The following TRIM27 variants were observed in gnomAD, a reference collection of about 807,000 sequenced individuals.
TRIM27 encodes the protein zinc finger protein RFP.
Under a neutral mutation model 57.6 loss-of-function variants are expected in TRIM27, and 12 were observed. The ratio of observed to expected loss-of-function variants is 0.21; its 90% CI spans 0.13 to 0.34. The LOEUF is 0.34. TRIM27 is among the 10% of genes least tolerant of loss of function. TRIM27 has a pLI of 1.00. For synonymous variants in TRIM27, 266 were observed against 259.0 expected (o/e 1.03, Z -0.26); for missense variants, 403 against 656.8 (o/e 0.61, Z 4.22).
chr6:28,915,279 T>TA (rs1433993367), intron 3 of TRIM27: 2 of 127,844 alleles, frequency 1.6e-5, no homozygotes, highest in African/African-American at 2.9e-5. Flanking sequence ...TCCATCTGTT[T>TA]AAAAAAATAT....
chr6:28,914,755 T>C (rs1418621420), intron 3 of TRIM27: 1 of 152,158 alleles, frequency 6.6e-6, no homozygotes, highest in Non-Finnish European at 1.5e-5. Context: ...CCCTGTCTTA[T>C]CAAAGAATAA....
Position 28,923,657 on chromosome 6 carries a change from G to A in TRIM27, c.-25C>T. The A allele has an allele frequency of 6.6e-7, 1 of 1,520,914 alleles. No homozygotes were observed. The highest frequency in any genetic ancestry group is 8.9e-7 in the Non-Finnish European group (1 of 1,129,786). 94.2% of individuals were successfully genotyped at this position (1,520,914 alleles called of 1,614,324 possible). A position where few individuals can be genotyped will look rare whatever the true frequency, so the allele number is the denominator to read the frequency against. ...TGGCGCCGGCCTGCGGGGGCGCACG[G>A]GCATGGGCCCCGGCGCCGAGCTCTG... On this transcript the variant is annotated 5_prime_UTR_variant, in exon 1 of 8. Coordinates refer to ENST00000377199, the MANE Select transcript of TRIM27 (RefSeq NM_006510.5).
At position 28,923,769 on chromosome 6, in the gene TRIM27, T is replaced by G; in HGVS notation, c.-137A>C. On this transcript the variant is annotated 5_prime_UTR_variant, in exon 1 of 8. Coordinates refer to ENST00000377199, the MANE Select transcript of TRIM27 (RefSeq NM_006510.5). ...CGGAGGGCGGCGCCTCCCGGGCCCG[T>G]ATCCCAGACGCGCCCGCGCACCGAA... 7.3e-6 allele frequency: 7 copies of G among 961,048 alleles called. No individual in the cohort carries two copies. Among genetic ancestry groups the G allele is most frequent in the Non-Finnish European group, 1.0e-5 (7 of 674,110 alleles). 59.5% of individuals were successfully genotyped at this position (961,048 alleles called of 1,614,324 possible).
At position 28,923,934 on chromosome 6, in the gene TRIM27, C is replaced by G. The variant is rs897027611; in HGVS notation, c.-302G>C. On this transcript the variant is annotated 5_prime_UTR_variant, in exon 1 of 8. Coordinates refer to ENST00000377199, the MANE Select transcript of TRIM27 (RefSeq NM_006510.5). ...GGTCAGAGTCCCAGGGCCAGGCGGG[C>G]AAAGCGCGCAAGACAACGTGGCCGC... 13 of 393,418 alleles carry G rather than the reference C, an allele frequency of 3.3e-5. No homozygotes were observed. Among genetic ancestry groups the G allele is most frequent in the Non-Finnish European group, 5.0e-5 (11 of 221,836 alleles). The allele number at this position is 393,418 out of a possible 1,614,324, so 24.4% of individuals were successfully genotyped here.
At position 28,911,688 on chromosome 6, in the gene TRIM27, A is replaced by C. The variant is rs1324173784; in HGVS notation, c.770+8T>G. 3 of 1,611,054 alleles carry C rather than the reference A, an allele frequency of 1.9e-6. No homozygotes were observed. The highest frequency in any genetic ancestry group is 2.7e-5 in the African/African-American group (2 of 74,688). ...TTGATTTAACACTAGGGAAACAGAA[A>C]ACTATACCTGCTCAATGTGTCCCCA... On this transcript the variant is annotated splice_region_variant and intron_variant, in intron 4 of 7. Coordinates refer to ENST00000377199, the MANE Select transcript of TRIM27 (RefSeq NM_006510.5).
At chr6:28,916,082 A>G (rs983563760) in intron 3 of TRIM27, among the ~76,000 whole-genome samples, 1 of 151,620 alleles carries the variant, frequency 6.6e-6, no homozygotes, top group African/African-American at 2.4e-5. Context: ...ACGCCTGGCT[A>G]ATTTTTGTAT....
At chr6:28,917,509 G>C (rs1404450880) in intron 3 of TRIM27, among the ~76,000 whole-genome samples, 2 of 151,646 alleles carry the variant, frequency 1.3e-5, no homozygotes, top group African/African-American at 4.8e-5. Flanking sequence ...ACTTGAGAGG[G>C]GGATGTTGCA....
At position 28,904,022 on chromosome 6, in the gene TRIM27, C is replaced by T. The variant is rs1482892296; in HGVS notation, c.*48G>A. ...GGCAAGGCAACAAGATGCCTTGTGC[C>T]TGGCGTAGGATTACAGCCAACAGCC... On this transcript the variant is annotated 3_prime_UTR_variant, in exon 8 of 8. Transcript: ENST00000377199. This position sits in a 1 kb window ranked among gnomAD's most constrained non-coding sequence, Gnocchi z 6.1. 1 of 1,509,470 alleles carries T rather than the reference C, an allele frequency of 6.6e-7. No homozygotes were observed. Among genetic ancestry groups the T allele is most frequent in the Non-Finnish European group, 9.1e-7 (1 of 1,100,938 alleles). 93.5% of individuals were successfully genotyped at this position (1,509,470 alleles called of 1,614,324 possible).
chr6:28,916,907 T>C (rs530383748), intron 3 of TRIM27, among the ~76,000 whole-genome samples: 1 of 151,554 alleles, frequency 6.6e-6, no homozygotes, highest in African/African-American at 2.4e-5. Flanking sequence ...TTTGGGAGGC[T>C]GAGGCGGATG....
In TRIM27 at chr6:28,908,189, T is replaced by C. The variant is rs547482520; in HGVS notation, c.919+619A>G. On this transcript the variant is annotated intron_variant, in intron 6 of 7. Transcript: ENST00000377199. ...TTAATAAACATAAATATAGGACTTA[T>C]TATGTGTCAGGTTCTATTCTAGAAG... 7.1e-5 allele frequency: 11 copies of C among 155,010 alleles called. No individual in the cohort carries two copies. The East Asian group carries it at 1.8e-3, about 26-fold the overall frequency. 9.6% of individuals were successfully genotyped at this position (155,010 alleles called of 1,614,324 possible). A position where few individuals can be genotyped will look rare whatever the true frequency, so the allele number is the denominator to read the frequency against.
chr6:28,922,019 A>T (rs374864956), intron 1 of TRIM27, 32 bp from the exon 2 acceptor site: 9 of 1,502,826 alleles, frequency 6.0e-6, no homozygotes, highest in Middle Eastern at 1.7e-4. Context: ...GGCAGTTCAA[A>T]ATTAGGTAGA....
chr6:28,916,925 T>A (rs941086752), intron 3 of TRIM27, among the ~76,000 whole-genome samples: 2 of 152,030 alleles, frequency 1.3e-5, no homozygotes, highest in African/African-American at 4.8e-5. Context: ...ATGGATTGCT[T>A]GAGCCCAGGA....
At chr6:28,919,869 A>G in intron 3 of TRIM27, 143 bp downstream of exon 3, 1 of 692,194 alleles carries the variant, frequency 1.4e-6, no homozygotes, top group Admixed American at 3.0e-5. Flanking sequence ...TTTCCTTCCA[A>G]GGTGCACAAT....
rs1774185899 is a variant in TRIM27, at chr6:28,923,201, C to G, written c.420+12G>C. 6.5e-7 allele frequency: 1 copy of G among 1,543,670 alleles called. No individual in the cohort carries two copies. Among genetic ancestry groups the G allele is most frequent in the African/African-American group, 1.4e-5 (1 of 73,264 alleles). On this transcript the variant is annotated intron_variant, in intron 1 of 7. Transcript: ENST00000377199. ...GACTCGCGCTCCCGCCCTCCCGGAT[C>G]CGCGCCCTCACCTTGAAGCCCTCCA...
chr6:28,913,927 C>T (rs1773407758), intron 3 of TRIM27, among the ~76,000 whole-genome samples: 1 of 149,284 alleles, frequency 6.7e-6, no homozygotes, highest in South Asian at 2.1e-4. Context: ...GTACTAATAC[C>T]AACAGCTTTA....
Position 28,904,767 on chromosome 6 carries a change from T to C in TRIM27, c.947-102A>G. The C allele has an allele frequency of 1.3e-6, 1 of 763,858 alleles. No homozygotes were observed. Among genetic ancestry groups the C allele is most frequent in the Non-Finnish European group, 2.1e-6 (1 of 487,020 alleles). 47.3% of individuals were successfully genotyped at this position (763,858 alleles called of 1,614,324 possible). ...CTCCCCAATAATAAGAGGTTCCCAC[T>C]GGAGGTTGCACGTATTTTATTTAGA... On this transcript the variant is annotated intron_variant, in intron 7 of 7. Coordinates refer to ENST00000377199, the MANE Select transcript of TRIM27 (RefSeq NM_006510.5). The surrounding 1 kb of genome is among the most constrained non-coding windows in gnomAD (Gnocchi z 6.1).
At chr6:28,913,195 C>A (rs1246272427) in intron 3 of TRIM27, among the ~76,000 whole-genome samples, 4 of 147,398 alleles carry the variant, frequency 2.7e-5, no homozygotes, top group African/African-American at 1.0e-4. Context: ...GCAGAGGTTG[C>A]GGTAAGCTGA....
At chr6:28,921,410 A>C (rs1774023627) in intron 2 of TRIM27, among the ~76,000 whole-genome samples, 1 of 152,046 alleles carries the variant, frequency 6.6e-6, no homozygotes, top group South Asian at 2.1e-4. Flanking sequence ...ATATACCCCT[A>C]ATATAAATTA....
chr6:28,916,875 C>T (rs1188912927), intron 3 of TRIM27, among the ~76,000 whole-genome samples: 2 of 152,184 alleles, frequency 1.3e-5, no homozygotes, highest in Non-Finnish European at 2.9e-5. Flanking sequence ...GATGTGGTGG[C>T]TCACACCTGT....
Sources: allele counts gnomAD v4.1 joint callset (sites outside exome capture counted in the v4.1 genomes callset), GRCh38; gene constraint gnomAD v4.1.1; non-coding constraint Gnocchi (gnomAD v3.1); transcripts MANE v1.5; gene names NCBI Gene and HGNC (gene_info 2026-07-23, HGNC 2026-07-21).